The following CXADR variants were observed in gnomAD, a reference collection of about 807,000 sequenced individuals.
CXADR encodes coxsackievirus and adenovirus receptor.
Under a neutral mutation model 40.3 loss-of-function variants are expected in CXADR, and 20 were observed. The ratio of observed to expected loss-of-function variants is 0.50; its 90% CI spans 0.35 to 0.72. The LOEUF (loss-of-function observed/expected upper bound fraction) is 0.72. Ranked by LOEUF, CXADR falls within the 30% of genes least tolerant of loss-of-function variation. The pLI is 0.01. For missense variants in CXADR, 332 were observed against 449.1 expected, an observed-to-expected ratio of 0.74 and a Z score of 2.36; for synonymous variants, 150 against 161.3, an observed-to-expected ratio of 0.93 and a Z score of 0.53.
intron 7 of CXADR, among the ~76,000 whole-genome samples, chr21:17,591,194 A>C (rs1280446864): frequency 6.6e-6 from 1 of 152,090 alleles, no homozygotes; most frequent in Non-Finnish European, 1.5e-5. Context: ...GTTTTAAGTC[A>C]GAGCTTCATT....
At chr21:17,581,150 CTG>C (rs879812255) in intron 7 of CXADR, among the ~76,000 whole-genome samples, 13 of 152,296 alleles carry the variant, frequency 8.5e-5, no homozygotes, top group South Asian at 6.2e-4. Flanking sequence ...TCTCCCAAAA[CTG>C]TATAGTGTTA....
chr21:17,615,146 C>T, the CXADR span, among the ~76,000 whole-genome samples: 12 of 152,114 alleles, frequency 7.9e-5, no homozygotes, highest in African/African-American at 2.9e-4. Context: ...AATTAGTGCC[C>T]TTGTAAGTGG....
At position 17,560,844 on chromosome 21, in the gene CXADR, T is replaced by C. The variant is rs1033151970; in HGVS notation, c.694+20T>C. 6 of 1,612,112 alleles carry C rather than the reference T, an allele frequency of 3.7e-6. No homozygotes were observed. The highest frequency in any genetic ancestry group is 4.2e-6 in the Non-Finnish European group (5 of 1,178,864). ...TCCCTCGTAAGTTATCTTCTTTCTGTTGGTGGTTTTGTTTCTGTTATCTTT... is the reference window on the plus strand; with the variant it reads ...TCCCTCGTAAGTTATCTTCTTTCTGCTGGTGGTTTTGTTTCTGTTATCTTT... On this transcript the variant is annotated intron_variant, in intron 5 of 6. Coordinates refer to ENST00000284878, the MANE Select transcript of CXADR (RefSeq NM_001338.5).
In CXADR at chr21:17,513,267, C is replaced by A. The variant is rs923403774; in HGVS notation, c.43+95C>A. ...GAACAATGGGGCGTGGGGGAGGGGG[C>A]GGGCGCGATTTGGGGGCGCTGCTGC... is the stretch of plus-strand genomic sequence containing the variant. On this transcript the variant is annotated intron_variant, in intron 1 of 6. Coordinates refer to ENST00000284878, the MANE Select transcript of CXADR (RefSeq NM_001338.5). The A allele has an allele frequency of 5.9e-6, 7 of 1,192,032 alleles. No individual in the cohort carries two copies. The African/African-American group carries it at 9.6e-5, about 16-fold the overall frequency. The allele number at this position is 1,192,032 out of a possible 1,614,324, so 73.8% of individuals were successfully genotyped here.
intron 1 of CXADR, among the ~76,000 whole-genome samples, chr21:17,532,064 G>T (rs2060684746): frequency 6.6e-6 from 1 of 151,710 alleles, no homozygotes; most frequent in Admixed American, 6.6e-5. Context: ...CGTAGTAGCT[G>T]GGACTGCAGG....
chr21:17,519,063 G>A lies in CXADR; in HGVS notation c.43+5891G>A, dbSNP rs73324063. ...CGCGGCAAGAGCAAGATGGCTGCCCGATATGCCCCCTCTTAATCTTTTCAT... is the reference window on the plus strand; with the variant it reads ...CGCGGCAAGAGCAAGATGGCTGCCCAATATGCCCCCTCTTAATCTTTTCAT... On this transcript the variant is annotated intron_variant, in intron 1 of 6. Transcript: ENST00000284878. 2.9e-4 allele frequency: 293 copies of A among 1,018,486 alleles called. 3 individuals carry two copies. In the African/African-American group the frequency reaches 4.2e-3, roughly 14 times the overall value. The allele number at this position is 1,018,486 out of a possible 1,614,324, so 63.1% of individuals were successfully genotyped here.
rs1180265194 is a variant in CXADR, at chr21:17,516,708, G to T, written c.43+3536G>T. Among the ~76,000 whole-genome samples the T allele has an allele frequency of 2.0e-5, 3 of 152,144 alleles. No homozygotes were observed. The East Asian group carries it at 5.8e-4, about 29-fold the overall frequency. On this transcript the variant is annotated intron_variant, in intron 1 of 6. Transcript: ENST00000284878. The stretch of plus-strand genomic sequence containing the variant: ...AATGGGGGTTGAAGGTGGAAGGGTT[G>T]GGTAGATGTTGGTCAAGGGATACAA...
intron 7 of CXADR, among the ~76,000 whole-genome samples, chr21:17,585,604 G>A (rs554491727): frequency 3.9e-5 from 6 of 151,966 alleles, no homozygotes; most frequent in Admixed American, 6.6e-5. Flanking sequence ...TGCAACCTCC[G>A]CCTCCCAGGT....
At chr21:17,551,989 G>A in intron 3 of CXADR, 36 bp downstream of exon 3, 1 of 1,475,290 alleles carries the variant, frequency 6.8e-7, no homozygotes, top group Non-Finnish European at 9.5e-7. Flanking sequence ...GGGTTACTGA[G>A]TAAGAGAATG....
chr21:17,554,491 G>T, intron 3 of CXADR, among the ~76,000 whole-genome samples: 1 of 152,174 alleles, frequency 6.6e-6, no homozygotes, highest in South Asian at 2.1e-4. Flanking sequence ...AAACCAAGGA[G>T]GGGGAGAGGG....
chr21:17,622,856 A>G, the CXADR span, among the ~76,000 whole-genome samples: 4 of 152,216 alleles, frequency 2.6e-5, no homozygotes, highest in Non-Finnish European at 2.9e-5. Context: ...ATTCTAAGAC[A>G]CTAAAATGTT....
chr21:17,545,893 C>T (rs2060891228), intron 1 of CXADR, among the ~76,000 whole-genome samples: 2 of 151,466 alleles, frequency 1.3e-5, no homozygotes, highest in Non-Finnish European at 2.9e-5. Context: ...AGTTCTTCTG[C>T]CTCAGCCTCC....
At chr21:17,542,315 C>T (rs535530193) in intron 1 of CXADR, among the ~76,000 whole-genome samples, 3 of 152,272 alleles carry the variant, frequency 2.0e-5, no homozygotes, top group East Asian at 1.9e-4. Flanking sequence ...AAGAAGCCAA[C>T]GCATGTTATC....
intron 1 of CXADR, among the ~76,000 whole-genome samples, chr21:17,541,617 ATTTT>A (rs35505180): frequency 1.4e-5 from 2 of 138,916 alleles, no homozygotes; most frequent in Non-Finnish European, 1.6e-5. Context: ...GCATCTGTTG[ATTTT>A]TTTTTTTTTT....
chr21:17,513,540 T>C (rs1419602361), intron 1 of CXADR, among the ~76,000 whole-genome samples: 2 of 152,248 alleles, frequency 1.3e-5, no homozygotes, highest in East Asian at 1.9e-4. Flanking sequence ...AGCCTTCGTG[T>C]CGGTTCTCTC....
At chr21:17,604,915 G>A in the CXADR span, 2 of 1,614,000 alleles carry the variant, frequency 1.2e-6, no homozygotes, top group African/African-American at 2.7e-5. Flanking sequence ...GGCAAGCCCA[G>A]GTCACTATAC....
the CXADR span, among the ~76,000 whole-genome samples, chr21:17,621,530 C>A: frequency 2.0e-5 from 3 of 152,294 alleles, no homozygotes; most frequent in Non-Finnish European, 1.5e-5. Flanking sequence ...GTGACCCCTG[C>A]AAAATTCAGG....
chr21:17,542,141 C>G (rs1332650342), intron 1 of CXADR: 2 of 210,114 alleles, frequency 9.5e-6, no homozygotes, highest in African/African-American at 2.4e-5. Context: ...TTTCCTCACT[C>G]AAAACATTAT....
the CXADR span, among the ~76,000 whole-genome samples, chr21:17,618,229 C>T: frequency 6.6e-5 from 10 of 152,162 alleles, no homozygotes; most frequent in African/African-American, 2.4e-4. Context: ...CATTAAATTA[C>T]AGCAATTCAG....
Sources: gnomAD v4.1 joint callset for allele counts (sites outside exome capture counted in the v4.1 genomes callset) on GRCh38, gnomAD v4.1.1 for gene constraint, MANE v1.5 for transcripts, NCBI Gene and HGNC (gene_info 2026-07-23, HGNC 2026-07-21) for gene names.